The following DHX29 variants were observed in gnomAD, a reference collection of about 807,000 sequenced individuals.
The protein encoded by DHX29 is ATP-dependent RNA helicase DHX29.
In DHX29, 79 loss-of-function variants were observed where a neutral mutation model predicts 167.9. The observed-to-expected ratio is 0.47, with a 90% CI of 0.39 to 0.57. The LOEUF (loss-of-function observed/expected upper bound fraction) is 0.57. Ranked by LOEUF, DHX29 falls within the 20% of genes least tolerant of loss-of-function variation. The pLI, the probability that DHX29 is intolerant of heterozygous loss-of-function variation, is 0.00. For missense variants in DHX29, 1,347 were observed against 1,593.4 expected (o/e 0.85, Z 2.63); for synonymous variants, 530 against 546.0 (o/e 0.97, Z 0.41).
intron 26 of DHX29, among the ~76,000 whole-genome samples, chr5:55,258,230 A>G (rs1579742957): frequency 6.6e-6 from 1 of 152,202 alleles, no homozygotes; most frequent in Non-Finnish European, 1.5e-5. Context: ...AGAAAGTATT[A>G]TTTTCCTCAA....
At chr5:55,264,075 G>A (rs1057077178) in intron 23 of DHX29, among the ~76,000 whole-genome samples, 6 of 151,788 alleles carry the variant, frequency 4.0e-5, no homozygotes, top group South Asian at 2.1e-4. Context: ...TGGGAGGATC[G>A]CTTGAGACCA....
At chr5:55,258,238 C>G (rs1746145842) in intron 26 of DHX29, among the ~76,000 whole-genome samples, 1 of 152,142 alleles carries the variant, frequency 6.6e-6, no homozygotes, top group Admixed American at 6.6e-5. Flanking sequence ...TTATTTTCCT[C>G]AAAACTTATT....
Position 55,283,866 on chromosome 5 carries a change from A to C in DHX29, c.1357-55T>G, listed in dbSNP as rs372860478. 1.1e-4 allele frequency: 154 copies of C among 1,436,776 alleles called. 4 individuals carry two copies. Among genetic ancestry groups the C allele is most frequent in the East Asian group, 7.6e-4 (33 of 43,566 alleles). 89.0% of individuals were successfully genotyped at this position (1,436,776 alleles called of 1,614,324 possible). On this transcript the variant is annotated intron_variant, in intron 10 of 26. Transcript: ENST00000251636. The stretch of plus-strand genomic sequence containing the variant: ...CACTAACTATTCAATATGGAAATTC[A>C]ATAGATTAGCACTTAAAAGGATAGC...
At chr5:55,257,590 C>G (rs1746113695) in intron 26 of DHX29, among the ~76,000 whole-genome samples, 1 of 152,054 alleles carries the variant, frequency 6.6e-6, no homozygotes, top group Admixed American at 6.5e-5. Context: ...ATACCTGGCT[C>G]CAAGAACCAT....
chr5:55,295,708 C>T (rs569838268), intron 4 of DHX29, among the ~76,000 whole-genome samples, 184 bp from the exon 5 acceptor site: 23 of 152,240 alleles, frequency 1.5e-4, no homozygotes, highest in African/African-American at 4.3e-4. Context: ...TAGAAGTGAA[C>T]GTACTCATCA....
At chr5:55,303,044 A>G (rs1223851595) in intron 1 of DHX29, among the ~76,000 whole-genome samples, 1 of 152,210 alleles carries the variant, frequency 6.6e-6, no homozygotes, top group Non-Finnish European at 1.5e-5. Flanking sequence ...CTGGCTCTCA[A>G]AAATATTTAT....
intron 23 of DHX29, among the ~76,000 whole-genome samples, chr5:55,264,555 C>T (rs147320034): frequency 5.9e-5 from 9 of 152,146 alleles, no homozygotes; most frequent in Non-Finnish European, 1.0e-4. Flanking sequence ...AGAAGTCTTC[C>T]GTACGAAAAG....
chr5:55,274,286 T>C (rs1187076456), intron 16 of DHX29, among the ~76,000 whole-genome samples: 1 of 151,992 alleles, frequency 6.6e-6, no homozygotes, highest in Non-Finnish European at 1.5e-5. Context: ...TGGTCCCAGC[T>C]GCTCAGGAGG....
intron 25 of DHX29, 52 bp from the exon 26 acceptor site, chr5:55,259,996 T>C (rs1375206712): frequency 2.9e-6 from 3 of 1,032,442 alleles, no homozygotes; most frequent in African/African-American, 3.2e-5. Flanking sequence ...GCAGTGTGAA[T>C]GTGTTTAAGT....
intron 14 of DHX29, 50 bp from the exon 15 acceptor site, chr5:55,275,060 T>TGTAA (rs1447596312): frequency 6.3e-7 from 1 of 1,589,742 alleles, no homozygotes; most frequent in Admixed American, 1.9e-5. Flanking sequence ...TAAGTATTTT[T>TGTAA]GTAAGACAAA....
At chr5:55,285,503 G>T in intron 9 of DHX29, 87 bp from the exon 10 acceptor site, 2 of 1,348,412 alleles carry the variant, frequency 1.5e-6, no homozygotes, top group Non-Finnish European at 2.0e-6. Context: ...TTAAACTCAA[G>T]TTTGTTAATT....
intron 23 of DHX29, 35 bp downstream of exon 23, chr5:55,267,103 A>G: frequency 7.2e-7 from 1 of 1,394,192 alleles, no homozygotes; most frequent in Non-Finnish European, 1.0e-6. Context: ...ATAGTTACCC[A>G]TGACTCTGAG....
At chr5:55,301,724 A>C (rs1347208794) in intron 1 of DHX29, among the ~76,000 whole-genome samples, 4 of 151,376 alleles carry the variant, frequency 2.6e-5, no homozygotes, top group Admixed American at 6.6e-5. Flanking sequence ...AAAAAAAAAA[A>C]AAAAAAAAAA....
chr5:55,259,753 G>A lies in DHX29; in HGVS notation c.4057+95C>T, dbSNP rs1746220375. The A allele has an allele frequency of 9.1e-6, 6 of 661,162 alleles. No individual in the cohort carries two copies. In the East Asian group the frequency reaches 1.3e-4, roughly 15 times the overall value. 41.0% of individuals were successfully genotyped at this position (661,162 alleles called of 1,614,324 possible). ...ATTATGGGCGTGAGCCACCGTGCCTGGCCTCTTAGAAAGTTTTTCCACACA... is the reference window on the plus strand; with the variant it reads ...ATTATGGGCGTGAGCCACCGTGCCTAGCCTCTTAGAAAGTTTTTCCACACA... On this transcript the variant is annotated intron_variant, in intron 26 of 26. Transcript: ENST00000251636.
chr5:55,274,902 T>C lies in DHX29; in HGVS notation c.2536A>G (p.Asn846Asp), dbSNP rs1747030172. 1.2e-6 allele frequency: 2 copies of C among 1,613,700 alleles called. No individual in the cohort carries two copies. Among genetic ancestry groups the C allele is most frequent in the Non-Finnish European group, 1.7e-6 (2 of 1,179,876 alleles). The change falls in exon 15 of 27, where the codon AAC becomes GAC. Residue 846 changes from asparagine (N) to aspartate (D), a missense_variant. Coordinates refer to ENST00000251636, the MANE Select transcript of DHX29 (RefSeq NM_019030.4). ...AILYMNPHKI[N>D]LDLILELLAY... ...AGAAGTTCCAAAATGAGATCCAGGTTGATTTTATGAGGATTCATGTATAGA... is the reference window on the plus strand; with the variant it reads ...AGAAGTTCCAAAATGAGATCCAGGTCGATTTTATGAGGATTCATGTATAGA...
Position 55,276,422 on chromosome 5 carries a change from C to A in DHX29, c.2287-16G>T, listed in dbSNP as rs1281366141. 2.6e-6 allele frequency: 4 copies of A among 1,564,508 alleles called. No individual in the cohort carries two copies. Among genetic ancestry groups the A allele is most frequent in the Non-Finnish European group, 3.4e-6 (4 of 1,159,734 alleles). ...GATGAAAAACCTGCATAGAATAAGG[C>A]ATATAAATGGGTGAATTCAAATTCG... On this transcript the variant is annotated splice_polypyrimidine_tract_variant and intron_variant, in intron 13 of 26. Coordinates refer to ENST00000251636, the MANE Select transcript of DHX29 (RefSeq NM_019030.4).
At chr5:55,262,559 C>T (rs1016072291) in intron 24 of DHX29, 71 bp downstream of exon 24, 1 of 1,526,784 alleles carries the variant, frequency 6.5e-7, no homozygotes, top group Non-Finnish European at 8.9e-7. Context: ...CCTGTTAGGG[C>T]ATCCTAACTT....
intron 8 of DHX29, 86 bp downstream of exon 8, chr5:55,289,184 T>C: frequency 7.3e-7 from 1 of 1,379,092 alleles, no homozygotes; most frequent in Non-Finnish European, 9.4e-7. Flanking sequence ...TTTGCCAGAA[T>C]GCAAAGTAAC....
At chr5:55,274,449 G>A (rs527805871) in intron 16 of DHX29, among the ~76,000 whole-genome samples, 165 bp downstream of exon 16, 5 of 152,112 alleles carry the variant, frequency 3.3e-5, no homozygotes, top group Admixed American at 3.3e-4. Flanking sequence ...ATTTTTAGTA[G>A]ATAACATGTT....
Sources: gnomAD v4.1 joint callset for allele counts (sites outside exome capture counted in the v4.1 genomes callset) on GRCh38, gnomAD v4.1.1 for gene constraint, MANE v1.5 for transcripts, NCBI Gene and HGNC (gene_info 2026-07-23, HGNC 2026-07-21) for gene names.